The following SPTA1 variants were observed in gnomAD, a reference collection of about 807,000 sequenced individuals.
SPTA1 encodes the protein spectrin alpha, erythrocytic 1.
Under a neutral mutation model 324.7 loss-of-function variants are expected in SPTA1, and 177 were observed. That is an observed-to-expected ratio of 0.55 (90% CI 0.48 to 0.62). The LOEUF (loss-of-function observed/expected upper bound fraction) is 0.62, where lower values mean the gene tolerates loss of function less well. Among genes scored for constraint, SPTA1 ranks in the 20% least tolerant of loss-of-function variants. SPTA1 has a pLI of 0.00. For synonymous variants in SPTA1, 1,195 were observed against 1,041.3 expected, an observed-to-expected ratio of 1.15 and a Z score of -2.84; for missense variants, 3,162 against 2,883.6, an observed-to-expected ratio of 1.10 and a Z score of -2.21.
chr1:158,645,398 G>C lies in SPTA1; in HGVS notation c.3997-13C>G. 24 of 1,613,916 alleles carry C rather than the reference G, an allele frequency of 1.5e-5. No individual in the cohort carries two copies. The highest frequency in any genetic ancestry group is 1.2e-4 in the South Asian group (11 of 91,082). On this transcript the variant is annotated splice_polypyrimidine_tract_variant and intron_variant, in intron 28 of 51. Transcript: ENST00000643759. ...CAGCACGGTGCTCCTGTGGGAAAAAGGGGGAAGAAATCAGTGAGGCCAACT... is the reference window on the plus strand; with the variant it reads ...CAGCACGGTGCTCCTGTGGGAAAAACGGGGAAGAAATCAGTGAGGCCAACT...
At chr1:158,631,472 G>A (rs1440668944) in intron 39 of SPTA1, among the ~76,000 whole-genome samples, 1 of 152,114 alleles carries the variant, frequency 6.6e-6, no homozygotes, top group African/African-American at 2.4e-5. Flanking sequence ...TGGGAAAGGG[G>A]TCAGGGATAA....
Position 158,642,879 on chromosome 1 carries a change from C to T in SPTA1, c.4540G>A (p.Glu1514Lys), listed in dbSNP as rs766176241. 2.4e-5 allele frequency: 39 copies of T among 1,613,824 alleles called. No individual in the cohort carries two copies. In the East Asian group the frequency reaches 3.1e-4, roughly 13 times the overall value. Residue 1514 changes from glutamate to lysine, a missense_variant, in exon 32 of 52, where the codon GAA becomes AAA. Coordinates refer to ENST00000643759, the MANE Select transcript of SPTA1 (RefSeq NM_003126.4). ...QFYRDLEELE[E>K]WISEMLPTAC... ...GTGGGCAGCATCTCACTGATCCATT[C>T]TTCCAGCTCCTCAAGGTCTCGGTAG... is the stretch of plus-strand genomic sequence containing the variant.
In SPTA1 at chr1:158,639,977, C is replaced by G. The variant is rs1213083143; in HGVS notation, c.4768G>C (p.Asp1590His). The G allele has an allele frequency of 4.3e-6, 7 of 1,613,676 alleles. No individual in the cohort carries two copies. Among genetic ancestry groups the G allele is most frequent in the Non-Finnish European group, 5.9e-6 (7 of 1,179,886 alleles). ...TCATTTGTTCTCTCAAGCAGATGATCCCAATGTTCCTTCAGCTGTTCCAGT... is the reference window on the plus strand; with the variant it reads ...TCATTTGTTCTCTCAAGCAGATGATGCCAATGTTCCTTCAGCTGTTCCAGT... Reference protein sequence around the residue: ...EQLEQLKEHWDHLLERTNDKG... With the variant: ...EQLEQLKEHWHHLLERTNDKG... Residue 1590 changes from aspartate to histidine, a missense_variant, in exon 34 of 52, where the codon GAT becomes CAT. Coordinates refer to ENST00000643759, the MANE Select transcript of SPTA1 (RefSeq NM_003126.4).
chr1:158,661,543 T>G (rs565777737), intron 17 of SPTA1, 134 bp from the exon 18 acceptor site: 493 of 1,149,866 alleles, frequency 4.3e-4, no homozygotes, highest in Non-Finnish European at 5.6e-4. Flanking sequence ...TTCTTTAAAT[T>G]TATATCATCT....
chr1:158,628,503 T>C (rs773868995), intron 39 of SPTA1, among the ~76,000 whole-genome samples: 3 of 152,174 alleles, frequency 2.0e-5, no homozygotes, highest in African/African-American at 4.8e-5. Context: ...GTTCATGGTG[T>C]TGAGGCACTA....
Position 158,685,405 on chromosome 1 carries a change from C to T in SPTA1, c.25-58G>A, listed in dbSNP as rs186454758. On this transcript the variant is annotated intron_variant, in intron 1 of 51. Coordinates refer to ENST00000643759, the MANE Select transcript of SPTA1 (RefSeq NM_003126.4). ...TTCTCAAATATTTAACATGTTGCCC[C>T]GCTTATATGTGTCAAGGTGTTTACT... The T allele has an allele frequency of 1.9e-5, 31 of 1,602,178 alleles. No individual in the cohort carries two copies. The Admixed American group carries it at 4.0e-4, about 21-fold the overall frequency.
At chr1:158,640,859 T>C (rs1244797479) in intron 33 of SPTA1, among the ~76,000 whole-genome samples, 3 of 152,206 alleles carry the variant, frequency 2.0e-5, no homozygotes, top group Non-Finnish European at 2.9e-5. Context: ...AAGTCAATCC[T>C]AAGGCAAAAG....
chr1:158,647,947 A>G (rs1299671545), intron 26 of SPTA1, among the ~76,000 whole-genome samples: 1 of 152,154 alleles, frequency 6.6e-6, no homozygotes, highest in African/African-American at 2.4e-5. Context: ...AGTTGTGGGG[A>G]AGAGTGGTTA....
At chr1:158,614,534 T>G (rs1649443445) in intron 48 of SPTA1, 5 of 443,922 alleles carry the variant, frequency 1.1e-5, no homozygotes, top group Non-Finnish European at 2.0e-5. Context: ...TTGAAGACAA[T>G]CAAAAGAAAA....
At chr1:158,667,781 A>G (rs1653715819) in intron 15 of SPTA1, 77 bp downstream of exon 15, 1 of 1,497,402 alleles carries the variant, frequency 6.7e-7, no homozygotes, top group South Asian at 1.2e-5. Context: ...CACCAGATAA[A>G]TTTACAGTGG....
chr1:158,637,190 G>A (rs554031143), intron 36 of SPTA1, among the ~76,000 whole-genome samples: 2 of 152,144 alleles, frequency 1.3e-5, no homozygotes, highest in Non-Finnish European at 2.9e-5. Flanking sequence ...GATTTCATAG[G>A]AGTCATGGCA....
intron 23 of SPTA1, among the ~76,000 whole-genome samples, 166 bp downstream of exon 23, chr1:158,652,301 A>G (rs1406215294): frequency 6.6e-6 from 1 of 152,196 alleles, no homozygotes; most frequent in Non-Finnish European, 1.5e-5. Context: ...TTCCCTTCCA[A>G]TTATTAGCAA....
At chr1:158,647,236 G>A (rs1443252476) in intron 27 of SPTA1, among the ~76,000 whole-genome samples, 1 of 152,120 alleles carries the variant, frequency 6.6e-6, no homozygotes, top group Non-Finnish European at 1.5e-5. Flanking sequence ...TTCTACCATA[G>A]TTATTTGTAT....
Position 158,635,900 on chromosome 1 carries a change from G to T in SPTA1, c.5432+13C>A. 6.2e-7 allele frequency: 1 copy of T among 1,614,132 alleles called. No individual in the cohort carries two copies. The highest frequency in any genetic ancestry group is 8.5e-7 in the Non-Finnish European group (1 of 1,180,022). ...ATCCAGGAAGGGAACTGGGCCTTCT[G>T]TATCCCACTCACCGGGCCTTGGCCA... On this transcript the variant is annotated intron_variant, in intron 38 of 51. Coordinates refer to ENST00000643759, the MANE Select transcript of SPTA1 (RefSeq NM_003126.4).
Position 158,635,775 on chromosome 1 carries a change from A to G in SPTA1, c.5432+138T>C, listed in dbSNP as rs971804570. On this transcript the variant is annotated intron_variant, in intron 38 of 51. Transcript: ENST00000643759. ...AGGAAAGCTTTGTGGTAAACTTGTC[A>G]TTTGAGAAGGGACTTAAGGAGATAG... 4.4e-5 allele frequency: 57 copies of G among 1,298,520 alleles called. No homozygotes were observed. In the Admixed American group the frequency reaches 1.1e-3, roughly 24 times the overall value. 80.4% of individuals were successfully genotyped at this position (1,298,520 alleles called of 1,614,324 possible). A position where few individuals can be genotyped will look rare whatever the true frequency, so the allele number is the denominator to read the frequency against.
At chr1:158,636,214 C>A (rs1571412119) in intron 37 of SPTA1, among the ~76,000 whole-genome samples, 180 bp from the exon 38 acceptor site, 1 of 152,186 alleles carries the variant, frequency 6.6e-6, no homozygotes, top group East Asian at 1.9e-4. Flanking sequence ...ATTTGCTATG[C>A]TAAACTTTCC....
Position 158,661,424 on chromosome 1 carries a change from A to G in SPTA1, c.2465-15T>C, listed in dbSNP as rs771988950. 6.2e-7 allele frequency: 1 copy of G among 1,613,820 alleles called. No individual in the cohort carries two copies. Among genetic ancestry groups the G allele is most frequent in the East Asian group, 2.2e-5 (1 of 44,852 alleles). ...CAGGTCCTTTCCTGCAGAGGAAAGG[A>G]ATTTCAAAGTTTCGGATTATCCTGG... On this transcript the variant is annotated splice_polypyrimidine_tract_variant and intron_variant, in intron 17 of 51. Transcript: ENST00000643759.
Position 158,629,183 on chromosome 1 carries a change from A to G in SPTA1, c.5566-1460T>C, listed in dbSNP as rs1650505864. Among the ~76,000 whole-genome samples the G allele has an allele frequency of 5.5e-5, 5 of 90,286 alleles. No individual in the cohort carries two copies. The Admixed American group carries it at 6.4e-4, about 11-fold the overall frequency. The allele number at this position is 90,286 out of a possible 152,430, so 59.2% of individuals were successfully genotyped here. A position where few individuals can be genotyped will look rare whatever the true frequency, so the allele number is the denominator to read the frequency against. On this transcript the variant is annotated intron_variant, in intron 39 of 51. Coordinates refer to ENST00000643759, the MANE Select transcript of SPTA1 (RefSeq NM_003126.4). ...ATATGTCTATCAAGAGAGACAAAAT[A>G]TATCTCTATCTATCTATCTATCTAT... is the stretch of plus-strand genomic sequence containing the variant.
At chr1:158,619,099 TG>T in intron 45 of SPTA1, 122 bp downstream of exon 45, 1 of 948,304 alleles carries the variant, frequency 1.1e-6, no homozygotes, top group Non-Finnish European at 1.7e-6. Context: ...AGGCAAGATA[TG>T]GGGATTTTAG....
Sources: allele counts gnomAD v4.1 joint callset (sites outside exome capture counted in the v4.1 genomes callset), GRCh38; gene constraint gnomAD v4.1.1; transcripts MANE v1.5; gene names NCBI Gene and HGNC (gene_info 2026-07-23, HGNC 2026-07-21).